LRMDA: variants seen among roughly 807,000 people sequenced by gnomAD.
The protein encoded by LRMDA is leucine-rich melanocyte differentiation-associated protein.
LRMDA carries 18 observed loss-of-function variants against 29.8 expected under a neutral mutation model. The ratio of observed to expected loss-of-function variants is 0.60; its 90% CI spans 0.42 to 0.90. The LOEUF (loss-of-function observed/expected upper bound fraction) is 0.90. Ranked by LOEUF, LRMDA falls within the 40% of genes least tolerant of loss-of-function variation. LRMDA has a pLI of 0.00. For missense variants in LRMDA, 273 were observed against 273.9 expected, an observed-to-expected ratio of 1.00 and a Z score of 0.02; for synonymous variants, 125 against 109.4, an observed-to-expected ratio of 1.14 and a Z score of -0.89.
At chr10:76,554,870 GGTGTGTGTGTGT>G (rs72203665) in intron 6 of LRMDA, among the ~76,000 whole-genome samples, 6 of 150,554 alleles carry the variant, frequency 4.0e-5, no homozygotes, top group Admixed American at 6.6e-5. Context: ...CATGGTGGGT[GGTGTGTGTGTGT>G]GTGTGTGTGT....
chr10:75,618,372 CTCTCTCTCTCTA>C (rs368021576), intron 2 of LRMDA, among the ~76,000 whole-genome samples: 17,680 of 95,408 alleles, frequency 0.19, 1,243 homozygotes, highest in Middle Eastern at 0.25. Context: ...CTCTCTCTCT[CTCTCTCTCTCTA>C]TATATATATA....
chr10:75,855,604 ATTGC>A (rs1327287444), intron 2 of LRMDA, among the ~76,000 whole-genome samples: 1 of 152,078 alleles, frequency 6.6e-6, no homozygotes. Context: ...TTTTGTTTCC[ATTGC>A]TTTTGGTGTT....
Position 76,492,095 on chromosome 10 carries a change from C to G in LRMDA, c.602-65114C>G, listed in dbSNP as rs112787309. Among the ~76,000 whole-genome samples the G allele has an allele frequency of 3.3e-3, 509 of 152,152 alleles. 7 individuals carry two copies. The highest frequency in any genetic ancestry group is 0.012 in the African/African-American group (482 of 41,558). On this transcript the variant is annotated intron_variant, in intron 6 of 6. Transcript: ENST00000611255. ...TATCTGATAAAATTCTGAATTCCTT[C>G]TCTTCGTTATCTTGAATTTCTTTGA...
intron 2 of LRMDA, among the ~76,000 whole-genome samples, chr10:75,598,963 G>A (rs1589198126): frequency 6.6e-6 from 1 of 152,084 alleles, no homozygotes; most frequent in Non-Finnish European, 1.5e-5. Flanking sequence ...CGCTGATTTT[G>A]TGCATTCCTT....
intron 6 of LRMDA, among the ~76,000 whole-genome samples, chr10:76,439,076 CAT>C (rs1191154463): frequency 6.6e-6 from 1 of 152,262 alleles, no homozygotes; most frequent in African/African-American, 2.4e-5. Context: ...AAAATATAAA[CAT>C]GAGTGAAATT....
intron 2 of LRMDA, among the ~76,000 whole-genome samples, chr10:75,702,834 GA>G (rs1257136930): frequency 6.6e-6 from 1 of 152,072 alleles, no homozygotes; most frequent in Non-Finnish European, 1.5e-5. Flanking sequence ...TCTCATTTTT[GA>G]CCTGGGAGTG....
chr10:75,829,672 C>T (rs1844305770), intron 2 of LRMDA, among the ~76,000 whole-genome samples: 1 of 151,900 alleles, frequency 6.6e-6, no homozygotes. Context: ...AAGGAAGATT[C>T]AGATATGTTA....
chr10:76,404,564 C>A (rs1841882960), intron 6 of LRMDA, among the ~76,000 whole-genome samples: 1 of 152,120 alleles, frequency 6.6e-6, no homozygotes, highest in South Asian at 2.1e-4. Flanking sequence ...GCTAGCTGTT[C>A]AGGGACACAC....
chr10:75,862,257 T>A (rs1024102447), intron 2 of LRMDA, among the ~76,000 whole-genome samples: 1 of 152,102 alleles, frequency 6.6e-6, no homozygotes, highest in African/African-American at 2.4e-5. Flanking sequence ...ATTTTTCATA[T>A]CTGAGAAGTT....
At chr10:76,367,864 T>A (rs1356202913) in intron 6 of LRMDA, among the ~76,000 whole-genome samples, 1 of 152,156 alleles carries the variant, frequency 6.6e-6, no homozygotes, top group East Asian at 1.9e-4. Context: ...TATCCATCTC[T>A]TGTAGGTTTT....
At chr10:76,543,910 C>A (rs913236207) in intron 6 of LRMDA, among the ~76,000 whole-genome samples, 3 of 152,132 alleles carry the variant, frequency 2.0e-5, no homozygotes, top group South Asian at 2.1e-4. Context: ...CCTGAGCCCC[C>A]CCCAGGAGAG....
At chr10:75,579,983 C>T (rs1341807544) in intron 2 of LRMDA, among the ~76,000 whole-genome samples, 1 of 152,188 alleles carries the variant, frequency 6.6e-6, no homozygotes, top group Non-Finnish European at 1.5e-5. Context: ...TGGGCAAAAG[C>T]CGCAAGCATT....
chr10:76,398,296 C>A (rs1480696924), intron 6 of LRMDA, among the ~76,000 whole-genome samples: 1 of 152,120 alleles, frequency 6.6e-6, no homozygotes, highest in African/African-American at 2.4e-5. Context: ...TCCCTCTGTT[C>A]TTCTAGTAAT....
At chr10:76,479,437 T>C (rs1359385112) in intron 6 of LRMDA, among the ~76,000 whole-genome samples, 1 of 151,920 alleles carries the variant, frequency 6.6e-6, no homozygotes, top group Non-Finnish European at 1.5e-5. Flanking sequence ...CTCTGCTGTA[T>C]GTTTTGAACA....
chr10:76,404,074 A>G (rs1841877664), intron 6 of LRMDA, among the ~76,000 whole-genome samples: 1 of 152,118 alleles, frequency 6.6e-6, no homozygotes, highest in Admixed American at 6.6e-5. Context: ...TTAAAAAAAA[A>G]TGTCTTGCAT....
chr10:75,913,851 G>A (rs1845885591), intron 2 of LRMDA, among the ~76,000 whole-genome samples: 1 of 152,200 alleles, frequency 6.6e-6, no homozygotes, highest in Admixed American at 6.5e-5. Context: ...TATCTGTCTA[G>A]GCCACCTGAG....
chr10:76,413,196 C>T (rs1455029960), intron 6 of LRMDA, among the ~76,000 whole-genome samples: 1 of 152,160 alleles, frequency 6.6e-6, no homozygotes, highest in East Asian at 1.9e-4. Flanking sequence ...CACTCCTAGC[C>T]ACCATGGGAT....
At chr10:75,923,682 A>G (rs1846065577) in intron 2 of LRMDA, among the ~76,000 whole-genome samples, 1 of 152,140 alleles carries the variant, frequency 6.6e-6, no homozygotes, top group African/African-American at 2.4e-5. Context: ...TCATGCATGG[A>G]AGAGCTCTAC....
chr10:75,990,891 G>A (rs182025745), intron 2 of LRMDA, among the ~76,000 whole-genome samples: 54 of 152,248 alleles, frequency 3.5e-4, no homozygotes, highest in Admixed American at 1.0e-3. Context: ...GGAGGCCATC[G>A]TGGGACCATA....
Sources: gnomAD v4.1 joint callset for allele counts (sites outside exome capture counted in the v4.1 genomes callset) on GRCh38, gnomAD v4.1.1 for gene constraint, MANE v1.5 for transcripts, NCBI Gene and HGNC (gene_info 2026-07-23, HGNC 2026-07-21) for gene names.